Variants in CELSR1 observed in about 807,000 individuals in gnomAD.
The protein encoded by CELSR1 is adhesion G protein-coupled receptor C1.
Under a neutral mutation model 249.1 loss-of-function variants are expected in CELSR1, and 110 were observed. That is an observed-to-expected ratio of 0.44 (90% CI 0.38 to 0.52). The LOEUF is 0.52. Ranked by LOEUF, CELSR1 falls within the 20% of genes least tolerant of loss-of-function variation. The pLI is 0.00. For missense variants in CELSR1, 4,109 were observed against 4,296.4 expected, an observed-to-expected ratio of 0.96 and a Z score of 1.22; for synonymous variants, 2,113 against 1,900.0, an observed-to-expected ratio of 1.11 and a Z score of -2.92.
chr22:46,368,367 A>G (rs529364145), intron 27 of CELSR1, among the ~76,000 whole-genome samples: 2 of 152,042 alleles, frequency 1.3e-5, no homozygotes, highest in African/African-American at 2.4e-5. Flanking sequence ...CAGGTCGTGG[A>G]TGGCACTGAA....
intron 3 of CELSR1, among the ~76,000 whole-genome samples, chr22:46,438,243 G>T: frequency 6.6e-6 from 1 of 152,218 alleles, no homozygotes; most frequent in East Asian, 1.9e-4. Context: ...GGGATGAGAG[G>T]CAGCTGGGAA....
chr22:46,454,727 C>T lies in CELSR1; in HGVS notation c.4183+8980G>A, dbSNP rs1038753144. ...TTAGCGTTCGCAAAGGTAAACACAT[C>T]GCAGAAACCTGCCTCCCACCCTGGA... is the stretch of plus-strand genomic sequence containing the variant. On this transcript the variant is annotated intron_variant, in intron 2 of 34. Coordinates refer to ENST00000674500, the MANE Select transcript of CELSR1 (RefSeq NM_001378328.1). This position sits in a 1 kb window ranked among gnomAD's most constrained non-coding sequence, Gnocchi z 5.1. 1.6e-4 allele frequency among the ~76,000 whole-genome samples: 25 copies of T among 152,372 alleles called. No homozygotes were observed. The highest frequency in any genetic ancestry group is 1.0e-3 in the South Asian group (5 of 4,828).
intron 5 of CELSR1, among the ~76,000 whole-genome samples, chr22:46,424,205 C>A (rs1173766065): frequency 6.6e-6 from 1 of 150,596 alleles, no homozygotes; most frequent in Non-Finnish European, 1.5e-5. Flanking sequence ...CAGCTGGGAC[C>A]ATAGGCACAT....
chr22:46,377,108 G>A lies in CELSR1; in HGVS notation c.7537C>T (p.Leu2513Phe), dbSNP rs2078926860. The change falls in exon 24 of 35, where the codon CTC becomes TTC. Residue 2513 changes from leucine to phenylalanine, a missense_variant. Transcript: ENST00000674500. ...IHKHLAVALF[L>F]SQLVFVIGIN... ...CCAATCACGAACACCAGCTGAGAGA[G>A]GAAGAGCGCCACGGCGAGGTGCTTG... The A allele has an allele frequency of 6.2e-7, 1 of 1,613,650 alleles. No individual in the cohort carries two copies. The highest frequency in any genetic ancestry group is 8.5e-7 in the Non-Finnish European group (1 of 1,179,886).
In CELSR1 at chr22:46,500,433, C is replaced by T. The variant is rs746799871; in HGVS notation, c.3544+33194G>A. On this transcript the variant is annotated intron_variant, in intron 1 of 34. Coordinates refer to ENST00000674500, the MANE Select transcript of CELSR1 (RefSeq NM_001378328.1). The surrounding 1 kb of genome is among the most constrained non-coding windows in gnomAD (Gnocchi z 4.9). ...GAAACTGGCAGTCGGTGCAGGAGGG[C>T]GAACGGTTGATGGGCAACCATGGGG... Among the ~76,000 whole-genome samples the T allele has an allele frequency of 7.2e-5, 11 of 152,084 alleles. No individual in the cohort carries two copies. The highest frequency in any genetic ancestry group is 1.5e-4 in the Non-Finnish European group (10 of 68,038).
Position 46,449,934 on chromosome 22 carries a change from ACACACACTCACATG to A in CELSR1, c.4184-10537_4184-10524del, listed in dbSNP as rs551440813. Among the ~76,000 whole-genome samples, 10 of 126,280 alleles carry A rather than the reference ACACACACTCACATG, an allele frequency of 7.9e-5. No homozygotes were observed. In the East Asian group the frequency reaches 1.9e-3, roughly 23 times the overall value. 82.8% of individuals were successfully genotyped at this position (126,280 alleles called of 152,430 possible). A position where few individuals can be genotyped will look rare whatever the true frequency, so the allele number is the denominator to read the frequency against. On this transcript the variant is annotated intron_variant, in intron 2 of 34. Coordinates refer to ENST00000674500, the MANE Select transcript of CELSR1 (RefSeq NM_001378328.1). ...TCCAACATACATGGCTCACGTGCTC[ACACACACTCACATG>A]CACGCACTCACATGCTCACACACAC...
chr22:46,408,988 C>T lies in CELSR1; in HGVS notation c.5226+8G>A, dbSNP rs771492394. ...GCAGGTGCCTTGGTGGCACGGGGCC[C>T]CAGTCACCTGGAGGCGAAAGCTGGT... On this transcript the variant is annotated splice_region_variant and intron_variant, in intron 9 of 34. Coordinates refer to ENST00000674500, the MANE Select transcript of CELSR1 (RefSeq NM_001378328.1). The surrounding 1 kb of genome is among the most constrained non-coding windows in gnomAD (Gnocchi z 4.6). The T allele has an allele frequency of 3.2e-5, 51 of 1,599,434 alleles. No individual in the cohort carries two copies. Among genetic ancestry groups the T allele is most frequent in the Non-Finnish European group, 4.0e-5 (47 of 1,174,050 alleles).
chr22:46,408,479 C>T lies in CELSR1; in HGVS notation c.5226+517G>A, dbSNP rs896802106. Among the ~76,000 whole-genome samples, 10 of 152,170 alleles carry T rather than the reference C, an allele frequency of 6.6e-5. No individual in the cohort carries two copies. The highest frequency in any genetic ancestry group is 1.9e-4 in the African/African-American group (8 of 41,432). Reference sequence around the variant, plus strand: ...CCCAGGTAGCTGGGGTTACAGGCCCCCACTACCAAGCCTGGCTAATTTTTT... The same window carrying T: ...CCCAGGTAGCTGGGGTTACAGGCCCTCACTACCAAGCCTGGCTAATTTTTT... On this transcript the variant is annotated intron_variant, in intron 9 of 34. Coordinates refer to ENST00000674500, the MANE Select transcript of CELSR1 (RefSeq NM_001378328.1). This position sits in a 1 kb window ranked among gnomAD's most constrained non-coding sequence, Gnocchi z 4.6.
chr22:46,378,023 G>A (rs1391639599), intron 23 of CELSR1, among the ~76,000 whole-genome samples: 1 of 152,198 alleles, frequency 6.6e-6, no homozygotes, highest in African/African-American at 2.4e-5. Flanking sequence ...CTCCTGTCTG[G>A]ATAACGGGAG....
At position 46,428,073 on chromosome 22, in the gene CELSR1, C is replaced by T. The variant is rs1364380674; in HGVS notation, c.4611+5320G>A. On this transcript the variant is annotated intron_variant, in intron 5 of 34. Coordinates refer to ENST00000674500, the MANE Select transcript of CELSR1 (RefSeq NM_001378328.1). This position sits in a 1 kb window ranked among gnomAD's most constrained non-coding sequence, Gnocchi z 5.7. ...GAGCAATCCCTAATGACAGCAGGAC[C>T]TAGCGGTCATCTCAAGGTCATGGAA... Among the ~76,000 whole-genome samples, 1 of 152,180 alleles carries T rather than the reference C, an allele frequency of 6.6e-6. No homozygotes were observed. Among genetic ancestry groups the T allele is most frequent in the African/African-American group, 2.4e-5 (1 of 41,438 alleles).
chr22:46,456,969 G>A (rs2079962211), intron 2 of CELSR1, among the ~76,000 whole-genome samples: 1 of 152,082 alleles, frequency 6.6e-6, no homozygotes, highest in South Asian at 2.1e-4. Context: ...CTCAAAGCCA[G>A]CAGCACTGAA....
Position 46,374,641 on chromosome 22 carries a change from C to T in CELSR1, c.7585-1584G>A, listed in dbSNP as rs1411517644. Among the ~76,000 whole-genome samples, 1 of 152,202 alleles carries T rather than the reference C, an allele frequency of 6.6e-6. No individual in the cohort carries two copies. Among genetic ancestry groups the T allele is most frequent in the Non-Finnish European group, 1.5e-5 (1 of 68,038 alleles). On this transcript the variant is annotated intron_variant, in intron 24 of 34. Coordinates refer to ENST00000674500, the MANE Select transcript of CELSR1 (RefSeq NM_001378328.1). This position sits in a 1 kb window ranked among gnomAD's most constrained non-coding sequence, Gnocchi z 4.3. ...GTCAGTGTGGGAACCCAGGGGCCGC[C>T]TCAGTTTCGCTGGGGTGTTGAGTTG...
Position 46,473,656 on chromosome 22 carries a change from C to T in CELSR1, c.3545-9311G>A, listed in dbSNP as rs972963625. 6.6e-6 allele frequency among the ~76,000 whole-genome samples: 1 copy of T among 152,178 alleles called. No homozygotes were observed. Among genetic ancestry groups the T allele is most frequent in the Non-Finnish European group, 1.5e-5 (1 of 68,036 alleles). On this transcript the variant is annotated intron_variant, in intron 1 of 34. Coordinates refer to ENST00000674500, the MANE Select transcript of CELSR1 (RefSeq NM_001378328.1). The surrounding 1 kb of genome is among the most constrained non-coding windows in gnomAD (Gnocchi z 6.6). ...GCCGGCTGTGATCACATCCACAGAGCGTTGCTTGCTGTCCAGCTGGTAAGA... is the reference window on the plus strand; with the variant it reads ...GCCGGCTGTGATCACATCCACAGAGTGTTGCTTGCTGTCCAGCTGGTAAGA...
intron 19 of CELSR1, among the ~76,000 whole-genome samples, chr22:46,385,702 G>A (rs1231801930): frequency 6.7e-6 from 1 of 148,350 alleles, no homozygotes. Context: ...TTTTGAGACG[G>A]AGTCTGGCTC....
rs780084031 is a variant in CELSR1 at position 46,391,205 on chromosome 22, T to C, written c.6231A>G (p.Pro2077=). ...ACTCACCAACGGATCCCTTAGGGCA[T>C]GGCACCGCAGCCGGCTGCCCGAACT... ...QTKFGQPAAV[P]CPKGSVGNAV... is the part of the protein sequence containing the mutation. The change falls in exon 16 of 35, where the codon CCA becomes CCG. Residue 2077 remains proline (P), a synonymous_variant. Coordinates refer to ENST00000674500, the MANE Select transcript of CELSR1 (RefSeq NM_001378328.1). This position sits in a 1 kb window ranked among gnomAD's most constrained non-coding sequence, Gnocchi z 4.3. 3 of 1,613,128 alleles carry C rather than the reference T, an allele frequency of 1.9e-6. No homozygotes were observed. The highest frequency in any genetic ancestry group is 2.7e-5 in the African/African-American group (2 of 74,908).
intron 1 of CELSR1, among the ~76,000 whole-genome samples, chr22:46,509,577 G>A (rs972697770): frequency 4.3e-5 from 1 of 23,488 alleles, no homozygotes; most frequent in Admixed American, 5.0e-4. Flanking sequence ...GTAGGTAAAG[G>A]CCAGGTCACT....
chr22:46,522,393 G>C (rs767724512), intron 1 of CELSR1, among the ~76,000 whole-genome samples: 2 of 152,226 alleles, frequency 1.3e-5, no homozygotes, highest in Middle Eastern at 3.4e-3. Flanking sequence ...TTATAGGCTG[G>C]AGCCCCCACG....
intron 1 of CELSR1, among the ~76,000 whole-genome samples, chr22:46,469,997 A>AGGATGAG (rs2080138957): frequency 1.2e-5 from 1 of 84,870 alleles, no homozygotes; most frequent in Non-Finnish European, 2.4e-5. Flanking sequence ...GGAGGGAGGG[A>AGGATGAG]GGGAGAGGCA....
rs568637027 is a variant in CELSR1 at position 46,505,245 on chromosome 22, G to A, written c.3544+28382C>T. The stretch of plus-strand genomic sequence containing the variant: ...CCACTGCACTCCAGCCTGGGCGACA[G>A]AGCAAGACTCTGTCTCAAAAAAAAA... On this transcript the variant is annotated intron_variant, in intron 1 of 34. Transcript: ENST00000674500. Among the ~76,000 whole-genome samples the A allele has an allele frequency of 6.0e-4, 61 of 102,278 alleles. 3 individuals carry two copies. In the South Asian group the frequency reaches 0.022, roughly 38 times the overall value. The allele number at this position is 102,278 out of a possible 152,430, so 67.1% of individuals were successfully genotyped here. A position where few individuals can be genotyped will look rare whatever the true frequency, so the allele number is the denominator to read the frequency against.
Sources: allele counts gnomAD v4.1 joint callset (sites outside exome capture counted in the v4.1 genomes callset), GRCh38; gene constraint gnomAD v4.1.1; non-coding constraint Gnocchi (gnomAD v3.1); transcripts MANE v1.5; gene names NCBI Gene and HGNC (gene_info 2026-07-23, HGNC 2026-07-21).